PDZRN4: variants seen among roughly 807,000 people sequenced by gnomAD.
PDZRN4 encodes PDZ domain-containing RING finger protein 4.
A neutral mutation model predicts 99.0 loss-of-function variants in PDZRN4; 70 were observed. That is an observed-to-expected ratio of 0.71 (90% CI 0.58 to 0.86). The LOEUF is 0.86. Ranked by LOEUF, PDZRN4 falls within the 40% of genes least tolerant of loss-of-function variation. The pLI is 0.00. For missense variants in PDZRN4, 1,474 were observed against 1,331.2 expected, an observed-to-expected ratio of 1.11 and a Z score of -1.67; for synonymous variants, 551 against 501.6, an observed-to-expected ratio of 1.10 and a Z score of -1.32.
chr12:41,539,686 ATTC>A (rs1384678653), intron 5 of PDZRN4, among the ~76,000 whole-genome samples: 2 of 152,146 alleles, frequency 1.3e-5, no homozygotes, highest in Non-Finnish European at 2.9e-5. Flanking sequence ...TCTATTTTCT[ATTC>A]TTCTTCTTCT....
chr12:41,201,208 C>T (rs1305488451), intron 3 of PDZRN4, among the ~76,000 whole-genome samples: 2 of 150,776 alleles, frequency 1.3e-5, no homozygotes, highest in Non-Finnish European at 3.0e-5. Context: ...GAAACTCCTC[C>T]CTTTTCCTAT....
chr12:41,505,154 A>G (rs907474380), intron 3 of PDZRN4, among the ~76,000 whole-genome samples: 1 of 152,130 alleles, frequency 6.6e-6, no homozygotes, highest in Non-Finnish European at 1.5e-5. Flanking sequence ...CAGTTTCTCT[A>G]CAGCTGCAAC....
chr12:41,573,851 G>T lies in PDZRN4; in HGVS notation c.3072G>T (p.Thr1024=). ...ATGGGGCCAAGTCTCCAGATGGCAC[G>T]AGAGTCCATAATGCCTTCTTGTCGG... ...MTHGAKSPDG[T]RVHNAFLSVT... Residue 1024 remains threonine (T), a synonymous_variant, in exon 10 of 10, where the codon ACG becomes ACT. Coordinates refer to ENST00000402685, the MANE Select transcript of PDZRN4 (RefSeq NM_001164595.2). 6.3e-7 allele frequency: 1 copy of T among 1,593,392 alleles called. No homozygotes were observed. Among genetic ancestry groups the T allele is most frequent in the South Asian group, 1.1e-5 (1 of 87,066 alleles).
chr12:41,478,425 A>G (rs1343586771), intron 3 of PDZRN4, among the ~76,000 whole-genome samples: 1 of 152,184 alleles, frequency 6.6e-6, no homozygotes, highest in East Asian at 1.9e-4. Flanking sequence ...CTGTAAAATT[A>G]AATATACTTA....
At chr12:41,202,636 A>C (rs1864612) in intron 3 of PDZRN4, among the ~76,000 whole-genome samples, 105,954 of 151,848 alleles carry the variant, frequency 0.7, 37,191 homozygotes, top group South Asian at 0.76. Context: ...TGTATCACTT[A>C]TTTTATAATC....
At chr12:41,479,927 G>A (rs778457302) in intron 3 of PDZRN4, among the ~76,000 whole-genome samples, 16 of 151,938 alleles carry the variant, frequency 1.1e-4, no homozygotes, top group Non-Finnish European at 2.2e-4. Flanking sequence ...GAACATCATT[G>A]GTCCATAACT....
At chr12:41,555,401 T>TG (rs1474230547) in intron 6 of PDZRN4, among the ~76,000 whole-genome samples, 11 of 144,580 alleles carry the variant, frequency 7.6e-5, no homozygotes, top group African/African-American at 2.1e-4. Context: ...TGAACAAATG[T>TG]GAAAAAAAAA....
intron 3 of PDZRN4, among the ~76,000 whole-genome samples, chr12:41,325,093 T>C (rs1951701685): frequency 6.6e-6 from 1 of 152,118 alleles, no homozygotes; most frequent in Non-Finnish European, 1.5e-5. Flanking sequence ...GATATTTAAA[T>C]GTATATAATT....
In PDZRN4 at chr12:41,536,065, G is replaced by T. The variant is rs530267257; in HGVS notation, c.1204-16591G>T. ...TATTAGACTCTATACCATGGGCTTT[G>T]TCTCCTGTCCTTCATGCCCTATGAA... On this transcript the variant is annotated intron_variant, in intron 5 of 9. Coordinates refer to ENST00000402685, the MANE Select transcript of PDZRN4 (RefSeq NM_001164595.2). Among the ~76,000 whole-genome samples, 25 of 152,266 alleles carry T rather than the reference G, an allele frequency of 1.6e-4. No individual in the cohort carries two copies. In the South Asian group the frequency reaches 4.1e-3, roughly 25 times the overall value.
intron 3 of PDZRN4, among the ~76,000 whole-genome samples, chr12:41,503,715 T>A (rs904725679): frequency 6.6e-6 from 1 of 152,060 alleles, no homozygotes; most frequent in Non-Finnish European, 1.5e-5. Context: ...TGAGGAAAAA[T>A]GAGCCTTGCC....
In PDZRN4 at chr12:41,243,537, C is replaced by T. The variant is rs143382222; in HGVS notation, c.843+49349C>T. 3.7e-3 allele frequency among the ~76,000 whole-genome samples: 563 copies of T among 152,192 alleles called. 5 individuals are homozygous for T. The highest frequency in any genetic ancestry group is 0.013 in the African/African-American group (523 of 41,522). ...CAAGTGATATCACGGCATTTGAATA[C>T]GTTAAAAATATTTTCAGTTAGTCTG... On this transcript the variant is annotated intron_variant, in intron 3 of 9. Transcript: ENST00000402685.
chr12:41,398,991 A>G (rs1351841165), intron 3 of PDZRN4, among the ~76,000 whole-genome samples: 1 of 152,192 alleles, frequency 6.6e-6, no homozygotes, highest in African/African-American at 2.4e-5. Context: ...CTGTAAAACA[A>G]GCACTTGCAA....
chr12:41,220,422 T>G (rs1256268442), intron 3 of PDZRN4, among the ~76,000 whole-genome samples: 1 of 152,126 alleles, frequency 6.6e-6, no homozygotes, highest in Non-Finnish European at 1.5e-5. Context: ...CATGTCCAAA[T>G]GCAGTCACAT....
At chr12:41,420,494 G>A (rs1003061374) in intron 3 of PDZRN4, among the ~76,000 whole-genome samples, 15 of 152,030 alleles carry the variant, frequency 9.9e-5, no homozygotes, top group African/African-American at 3.6e-4. Context: ...ACTCGGCACA[G>A]CCCCCTCTGC....
chr12:41,439,223 T>G (rs1005552039), intron 3 of PDZRN4, among the ~76,000 whole-genome samples: 6 of 152,174 alleles, frequency 3.9e-5, no homozygotes, highest in Non-Finnish European at 7.4e-5. Context: ...ACATTGTTAA[T>G]TACACCAGGG....
intron 3 of PDZRN4, among the ~76,000 whole-genome samples, chr12:41,376,922 G>A (rs531212500): frequency 6.1e-4 from 93 of 152,140 alleles, no homozygotes; most frequent in African/African-American, 2.2e-3. Flanking sequence ...TAAGATAGAG[G>A]TTCAATTTCA....
At chr12:41,462,456 G>A (rs1952881623) in intron 3 of PDZRN4, among the ~76,000 whole-genome samples, 1 of 152,172 alleles carries the variant, frequency 6.6e-6, no homozygotes, top group Admixed American at 6.5e-5. Flanking sequence ...ACAAGATGCT[G>A]CTAATCTCTC....
chr12:41,334,069 T>C (rs1375681954), intron 3 of PDZRN4, among the ~76,000 whole-genome samples: 5 of 152,166 alleles, frequency 3.3e-5, no homozygotes, highest in Non-Finnish European at 7.4e-5. Context: ...ATTTTTGTTA[T>C]TGTTTTTATT....
chr12:41,390,044 T>C (rs1226292122), intron 3 of PDZRN4, among the ~76,000 whole-genome samples: 1 of 152,180 alleles, frequency 6.6e-6, no homozygotes, highest in Non-Finnish European at 1.5e-5. Context: ...ACAATTGGCA[T>C]GTCAGTTGCA....
Sources: allele counts gnomAD v4.1 joint callset (sites outside exome capture counted in the v4.1 genomes callset), GRCh38; gene constraint gnomAD v4.1.1; transcripts MANE v1.5; gene names NCBI Gene and HGNC (gene_info 2026-07-23, HGNC 2026-07-21).